The following CSTF3 variants were observed in gnomAD, a reference collection of about 807,000 sequenced individuals.
The protein encoded by CSTF3 is cleavage stimulation factor subunit 3.
In CSTF3, 29 loss-of-function variants were observed where a neutral mutation model predicts 105.8. The observed-to-expected ratio is 0.27, with a 90% CI of 0.20 to 0.37. The LOEUF (loss-of-function observed/expected upper bound fraction) is 0.37. Among genes scored for constraint, CSTF3 ranks in the 10% least tolerant of loss-of-function variants. CSTF3 has a pLI of 1.00. For missense variants in CSTF3, 357 were observed against 879.3 expected (o/e 0.41, Z 7.51); for synonymous variants, 252 against 281.9 (o/e 0.89, Z 1.06).
At chr11:33,120,382 G>GT (rs572124367) in intron 3 of CSTF3, among the ~76,000 whole-genome samples, 4 of 151,686 alleles carry the variant, frequency 2.6e-5, no homozygotes, top group African/African-American at 7.2e-5. Flanking sequence ...CTCCATTAGA[G>GT]TTTTTTTCTT....
At chr11:33,131,780 A>C (rs1353259966) in intron 3 of CSTF3, among the ~76,000 whole-genome samples, 1 of 152,036 alleles carries the variant, frequency 6.6e-6, no homozygotes, top group Non-Finnish European at 1.5e-5. Context: ...TGAACCCGGG[A>C]GGTGGAGCCT....
At chr11:33,093,092 T>A (rs948927720) in intron 15 of CSTF3, among the ~76,000 whole-genome samples, 3 of 152,202 alleles carry the variant, frequency 2.0e-5, no homozygotes, top group Admixed American at 1.3e-4. Flanking sequence ...AATAAAGCTG[T>A]TCAAAAGAAA....
chr11:33,147,253 C>A (rs1192976053), intron 1 of CSTF3, among the ~76,000 whole-genome samples: 2 of 151,798 alleles, frequency 1.3e-5, no homozygotes, highest in Admixed American at 1.3e-4. Context: ...GCTAAGGCTG[C>A]GCCACTGCAC....
chr11:33,094,652 C>T (rs1334235028), intron 15 of CSTF3, among the ~76,000 whole-genome samples: 7 of 152,200 alleles, frequency 4.6e-5, no homozygotes, highest in African/African-American at 1.7e-4. Context: ...CCCACTATCT[C>T]ATTTTTTGGA....
chr11:33,122,283 C>G (rs1855497318), intron 3 of CSTF3, among the ~76,000 whole-genome samples: 1 of 152,044 alleles, frequency 6.6e-6, no homozygotes, highest in South Asian at 2.1e-4. Context: ...TCAAAAGGAT[C>G]TGATTGTTGA....
chr11:33,125,036 T>C (rs1855529720), intron 3 of CSTF3, among the ~76,000 whole-genome samples: 1 of 152,240 alleles, frequency 6.6e-6, no homozygotes, highest in Admixed American at 6.5e-5. Flanking sequence ...ATGAGCATCT[T>C]GAATCTGTTG....
chr11:33,123,430 A>G (rs146390070), intron 3 of CSTF3, among the ~76,000 whole-genome samples: 1 of 152,212 alleles, frequency 6.6e-6, no homozygotes, highest in African/African-American at 2.4e-5. Context: ...AACTATGACA[A>G]CCTCTGTGGA....
chr11:33,116,196 G>T (rs1370415011), intron 3 of CSTF3, among the ~76,000 whole-genome samples: 4 of 152,084 alleles, frequency 2.6e-5, no homozygotes, highest in Non-Finnish European at 5.9e-5. Context: ...TAACCATTAG[G>T]TATTAATTAG....
Position 33,161,241 on chromosome 11 carries a change from C to A in CSTF3, c.27+58G>T, listed in dbSNP as rs1849938141. Reference sequence around the variant, plus strand: ...CTCAGCCGAACATGTCTGGAGCAGTCGGAGGAACAGACGTGGAGAAGAGGT... The same window carrying A: ...CTCAGCCGAACATGTCTGGAGCAGTAGGAGGAACAGACGTGGAGAAGAGGT... On this transcript the variant is annotated intron_variant, in intron 1 of 20. Coordinates refer to ENST00000323959, the MANE Select transcript of CSTF3 (RefSeq NM_001326.3). 5 of 1,600,260 alleles carry A rather than the reference C, an allele frequency of 3.1e-6. No homozygotes were observed. In the Admixed American group the frequency reaches 5.0e-5, roughly 16 times the overall value.
At chr11:33,149,283 G>A (rs1855826591) in intron 1 of CSTF3, among the ~76,000 whole-genome samples, 1 of 152,180 alleles carries the variant, frequency 6.6e-6, no homozygotes, top group Admixed American at 6.5e-5. Context: ...GTAGTCAAAT[G>A]TTCGTAACAC....
chr11:33,123,926 A>AT (rs1855518669), intron 3 of CSTF3, among the ~76,000 whole-genome samples: 1 of 152,054 alleles, frequency 6.6e-6, no homozygotes, highest in Non-Finnish European at 1.5e-5. Context: ...ATATGAATAT[A>AT]AATACACATA....
At chr11:33,141,510 A>G (rs1256573881) in intron 3 of CSTF3, 157 bp downstream of exon 3, 6 of 1,322,674 alleles carry the variant, frequency 4.5e-6, no homozygotes, top group African/African-American at 1.5e-5. Flanking sequence ...AATTTCAAAA[A>G]TTCATTTTAA....
Position 33,090,661 on chromosome 11 carries a change from C to T in CSTF3, c.1512G>A (p.Val504=), listed in dbSNP as rs777042682. 6.2e-7 allele frequency: 1 copy of T among 1,611,644 alleles called. No homozygotes were observed. The highest frequency in any genetic ancestry group is 8.5e-7 in the Non-Finnish European group (1 of 1,179,212). Residue 504 remains valine, a synonymous_variant, in exon 17 of 21, where the codon GTG becomes GTA. Coordinates refer to ENST00000323959, the MANE Select transcript of CSTF3 (RefSeq NM_001326.3). ...NIGDLASILK[V]EKRRFTAFKE... is the part of the protein sequence containing the mutation. ...TGAATGCTGTAAACCGTCTTTTCTC[C>T]ACTTTGAGTATACTAGCTAGATCAC... is the stretch of plus-strand genomic sequence containing the variant.
intron 1 of CSTF3, among the ~76,000 whole-genome samples, chr11:33,149,942 C>T (rs1286256278): frequency 6.6e-6 from 1 of 152,094 alleles, no homozygotes; most frequent in Non-Finnish European, 1.5e-5. Flanking sequence ...TTGCTTGAAT[C>T]CAGGAGGCAA....
chr11:33,152,926 C>A (rs1020328350), intron 1 of CSTF3, among the ~76,000 whole-genome samples: 13 of 151,750 alleles, frequency 8.6e-5, no homozygotes, highest in African/African-American at 2.4e-4. Flanking sequence ...CCACTGCACT[C>A]CAGCCTGAGC....
intron 1 of CSTF3, among the ~76,000 whole-genome samples, chr11:33,148,696 A>G (rs1385429353): frequency 6.7e-6 from 1 of 149,740 alleles, no homozygotes; most frequent in Non-Finnish European, 1.5e-5. Context: ...CTCCATCTCA[A>G]AAAAAAAAAA....
At chr11:33,125,446 C>T (rs558209199) in intron 3 of CSTF3, among the ~76,000 whole-genome samples, 518 of 152,288 alleles carry the variant, frequency 3.4e-3, no homozygotes, top group Middle Eastern at 0.027. Context: ...TAAGCTATTA[C>T]CACCTATTAG....
At position 33,156,533 on chromosome 11, in the gene CSTF3, C is replaced by G. The variant is rs559164869; in HGVS notation, c.27+4766G>C. 9.9e-5 allele frequency among the ~76,000 whole-genome samples: 15 copies of G among 152,270 alleles called. No individual in the cohort carries two copies. In the South Asian group the frequency reaches 2.9e-3, roughly 29 times the overall value. On this transcript the variant is annotated intron_variant, in intron 1 of 20. Transcript: ENST00000323959. ...TCCCAAAATTATTTTTCACTAAAAA[C>G]ACGTATTTATGAGCCTAAATGCTCC...
At chr11:33,106,087 G>A in intron 5 of CSTF3, 23 bp from the exon 6 acceptor site, 1 of 1,595,896 alleles carries the variant, frequency 6.3e-7, no homozygotes, top group South Asian at 1.1e-5. Context: ...TGAAAGACGT[G>A]GTTTTTAAAT....
Sources: gnomAD v4.1 joint callset for allele counts (sites outside exome capture counted in the v4.1 genomes callset) on GRCh38, gnomAD v4.1.1 for gene constraint, MANE v1.5 for transcripts, NCBI Gene and HGNC (gene_info 2026-07-23, HGNC 2026-07-21) for gene names.